The following ATXN7L1 variants were observed in gnomAD, a reference collection of about 807,000 sequenced individuals.
ATXN7L1 encodes the protein ataxin-7-like protein 1.
ATXN7L1 carries 15 observed loss-of-function variants against 70.8 expected under a neutral mutation model. The ratio of observed to expected loss-of-function variants is 0.21; its 90% confidence interval spans 0.14 to 0.33. The LOEUF (loss-of-function observed/expected upper bound fraction) is 0.33. Ranked by LOEUF, ATXN7L1 falls within the 10% of genes least tolerant of loss-of-function variation. The pLI is 1.00. For missense variants in ATXN7L1, 975 were observed against 1,097.1 expected (o/e 0.89, Z 1.57); for synonymous variants, 440 against 445.1 (o/e 0.99, Z 0.14).
intron 3 of ATXN7L1, among the ~76,000 whole-genome samples, chr7:105,729,333 AAATG>A (rs1796263268): frequency 6.9e-6 from 1 of 144,302 alleles, no homozygotes; most frequent in African/African-American, 2.6e-5. Context: ...ATAAATAAAT[AAATG>A]GAGGAGAAGA....
In ATXN7L1 at chr7:105,733,541, C is replaced by CCCATCCATCCATCCTT. The variant is rs1563048564; in HGVS notation, c.355+55062_355+55063insAAGGATGGATGGATGG. 1.9e-4 allele frequency among the ~76,000 whole-genome samples: 4 copies of CCCATCCATCCATCCTT among 21,376 alleles called. 1 individual carries two copies. The highest frequency in any genetic ancestry group is 5.7e-4 in the Admixed American group (1 of 1,766). 14.0% of individuals were successfully genotyped at this position (21,376 alleles called of 152,430 possible). A position where few individuals can be genotyped will look rare whatever the true frequency, so the allele number is the denominator to read the frequency against. ...ACCCATCCATCCATCCATCCATCCA[C>CCCATCCATCCATCCTT]CCATCCATCCATCCACCCATCCATC... is the stretch of plus-strand genomic sequence containing the variant. On this transcript the variant is annotated intron_variant, in intron 3 of 11. Transcript: ENST00000419735.
At chr7:105,844,658 A>T (rs1813707816) in intron 2 of ATXN7L1, among the ~76,000 whole-genome samples, 1 of 152,222 alleles carries the variant, frequency 6.6e-6, no homozygotes, top group Non-Finnish European at 1.5e-5. Context: ...TCTCCCCAAG[A>T]TCAGGAATAA....
intron 6 of ATXN7L1, among the ~76,000 whole-genome samples, chr7:105,638,859 C>T (rs1457025231): frequency 1.3e-5 from 2 of 152,130 alleles, no homozygotes; most frequent in African/African-American, 4.8e-5. Context: ...CGAGCTTCAG[C>T]GCAGAACCCA....
At chr7:105,859,607 A>T (rs767163064) in intron 2 of ATXN7L1, among the ~76,000 whole-genome samples, 1 of 152,144 alleles carries the variant, frequency 6.6e-6, no homozygotes, top group Non-Finnish European at 1.5e-5. Flanking sequence ...CATGCTGTAC[A>T]GGTTTGTAGC....
At chr7:105,620,146 CAG>C in intron 9 of ATXN7L1, 52 bp downstream of exon 9, 1 of 1,541,028 alleles carries the variant, frequency 6.5e-7, no homozygotes, top group Non-Finnish European at 8.8e-7. Context: ...AGTTAAGTTT[CAG>C]GTAACTGTGG....
At chr7:105,875,993 G>T in intron 1 of ATXN7L1, 113 bp from the exon 2 acceptor site, 1 of 931,754 alleles carries the variant, frequency 1.1e-6, no homozygotes, top group Non-Finnish European at 1.7e-6. Context: ...TATAAATACT[G>T]TATATGAAAT....
Position 105,639,508 on chromosome 7 carries a change from G to A in ATXN7L1, c.924C>T (p.Cys308=). ...ATACCTTGCAGGTGAGGGATCTTGT[G>A]CAAGGTTTCTTTGTCTCGGGATCCA... ...GVLDPETKKP[C]TRSLTCKTHS... The change falls in exon 6 of 12, where the codon TGC becomes TGT. Residue 308 remains cysteine (C), a synonymous_variant. Transcript: ENST00000419735. The A allele has an allele frequency of 6.4e-7, 1 of 1,551,314 alleles. No individual in the cohort carries two copies. Among genetic ancestry groups the A allele is most frequent in the Non-Finnish European group, 8.7e-7 (1 of 1,146,668 alleles).
chr7:105,734,179 G>C (rs1360937132), intron 3 of ATXN7L1, among the ~76,000 whole-genome samples: 1 of 150,706 alleles, frequency 6.6e-6, no homozygotes, highest in Non-Finnish European at 1.5e-5. Context: ...TGAGACCTCT[G>C]GTCAGCCCAC....
chr7:105,734,411 C>T (rs541471954), intron 3 of ATXN7L1, among the ~76,000 whole-genome samples: 168 of 152,326 alleles, frequency 1.1e-3, no homozygotes, highest in African/African-American at 3.5e-3. Context: ...CTGCAGCTGG[C>T]GAGGCCAATC....
chr7:105,859,390 A>AAC (rs1816219210), intron 2 of ATXN7L1, among the ~76,000 whole-genome samples: 2 of 151,804 alleles, frequency 1.3e-5, no homozygotes, highest in African/African-American at 4.8e-5. Flanking sequence ...CAGAAATATA[A>AAC]ATATATATAT....
intron 3 of ATXN7L1, among the ~76,000 whole-genome samples, chr7:105,668,908 C>CAT (rs996844961): frequency 4.6e-5 from 7 of 151,644 alleles, no homozygotes; most frequent in Non-Finnish European, 8.8e-5. Context: ...TCTCTGAAAA[C>CAT]ATATATATAT....
rs1475508500 is a variant in ATXN7L1, at chr7:105,876,456, T to C, written c.103A>G (p.Lys35Glu). ...AGAAACGCCTCCGGACTGGGCACTT[T>C]GCGATCCAGTGTCGCCATTGCTCTT... Reference protein sequence around the residue: ...EGRAMATLDRKVPSPEAFLGK... With the variant: ...EGRAMATLDREVPSPEAFLGK... Residue 35 changes from lysine to glutamate, a missense_variant, in exon 1 of 12, where the codon AAA (lysine) becomes GAA (glutamate). Lys to Glu is a moderately conservative substitution (Grantham distance 56). Around this residue, in one of 5 missense-constraint regions of ATXN7L1, gnomAD observed 135 missense variants for 132.6 expected, o/e 1.02. Transcript: ENST00000419735. 1 of 1,613,948 alleles carries C rather than the reference T, an allele frequency of 6.2e-7. No homozygotes were observed. Among genetic ancestry groups the C allele is most frequent in the Non-Finnish European group, 8.5e-7 (1 of 1,179,946 alleles).
chr7:105,607,895 T>C lies in ATXN7L1; in HGVS notation c.2548-5A>G. ...CCTGCCCGTTCTGTTTGTGTTCTTC[T>C]AGGAAAGAAAAGAAAAACTTGTTTC... On this transcript the variant is annotated splice_polypyrimidine_tract_variant and splice_region_variant and intron_variant, in intron 11 of 11. Transcript: ENST00000419735. 6.4e-7 allele frequency: 1 copy of C among 1,551,868 alleles called. No homozygotes were observed. Among genetic ancestry groups the C allele is most frequent in the Non-Finnish European group, 8.7e-7 (1 of 1,146,882 alleles).
intron 5 of ATXN7L1, among the ~76,000 whole-genome samples, chr7:105,641,269 C>G (rs549194382): frequency 9.4e-6 from 1 of 106,372 alleles, no homozygotes; most frequent in African/African-American, 3.7e-5. Flanking sequence ...AAAAAACCTG[C>G]TAGGCCTGGA....
At chr7:105,717,480 G>T (rs972360305) in intron 3 of ATXN7L1, among the ~76,000 whole-genome samples, 14 of 152,266 alleles carry the variant, frequency 9.2e-5, no homozygotes, top group Non-Finnish European at 1.9e-4. Flanking sequence ...TATATTGTTT[G>T]TTATTCATAT....
chr7:105,697,477 A>C (rs1220332807), intron 3 of ATXN7L1, among the ~76,000 whole-genome samples: 1 of 152,212 alleles, frequency 6.6e-6, no homozygotes, highest in Non-Finnish European at 1.5e-5. Flanking sequence ...GTTTAAGGTT[A>C]TCTCTCTTAC....
chr7:105,854,412 C>T (rs1286437017), intron 2 of ATXN7L1, among the ~76,000 whole-genome samples: 1 of 137,618 alleles, frequency 7.3e-6, no homozygotes, highest in Non-Finnish European at 1.5e-5. Context: ...CGGCTCGAGA[C>T]AGATGCTCAC....
intron 3 of ATXN7L1, among the ~76,000 whole-genome samples, chr7:105,690,609 C>G (rs1376132864): frequency 6.6e-6 from 1 of 152,110 alleles, no homozygotes; most frequent in Non-Finnish European, 1.5e-5. Context: ...ATATTTAACC[C>G]GAGGCACAAT....
chr7:105,823,223 C>G lies in ATXN7L1; in HGVS notation c.251-34515G>C, dbSNP rs1810404906. 2.6e-5 allele frequency among the ~76,000 whole-genome samples: 4 copies of G among 152,052 alleles called. 1 individual carries two copies. The South Asian group carries it at 8.3e-4, about 31-fold the overall frequency. ...TAGAGTAGCAGAAGGTGTTTTCTATCTCCTACAAAGTCGAAGGCTGACATG... is the reference window on the plus strand; with the variant it reads ...TAGAGTAGCAGAAGGTGTTTTCTATGTCCTACAAAGTCGAAGGCTGACATG... On this transcript the variant is annotated intron_variant, in intron 2 of 11. Coordinates refer to ENST00000419735, the MANE Select transcript of ATXN7L1 (RefSeq NM_020725.2).
Sources: gnomAD v4.1 joint callset for allele counts (sites outside exome capture counted in the v4.1 genomes callset) on GRCh38, gnomAD v4.1.1 for gene constraint, gnomAD v4.1.1 regional missense constraint, MANE v1.5 for transcripts, NCBI Gene and HGNC (gene_info 2026-07-23, HGNC 2026-07-21) for gene names.